The following NRXN3 variants were observed in gnomAD, a reference collection of about 807,000 sequenced individuals.
NRXN3 encodes the protein neurexin 3.
NRXN3 carries 32 observed loss-of-function variants against 137.6 expected under a neutral mutation model. The observed-to-expected ratio is 0.23, with a 90% CI of 0.18 to 0.31. NRXN3 has a LOEUF of 0.31. Ranked by LOEUF, NRXN3 falls within the 10% of genes least tolerant of loss-of-function variation. NRXN3 has a pLI of 1.00. For synonymous variants in NRXN3, 798 were observed against 784.5 expected, an observed-to-expected ratio of 1.02 and a Z score of -0.29; for missense variants, 1,574 against 2,062.5, an observed-to-expected ratio of 0.76 and a Z score of 4.59.
At chr14:79,215,605 A>G (rs1347270154) in intron 15 of NRXN3, among the ~76,000 whole-genome samples, 2 of 152,134 alleles carry the variant, frequency 1.3e-5, no homozygotes, top group Non-Finnish European at 2.9e-5. Context: ...TTATAAAACC[A>G]TCAGATCTCA....
intron 6 of NRXN3, among the ~76,000 whole-genome samples, chr14:78,703,316 C>T (rs889374379): frequency 3.9e-5 from 6 of 152,140 alleles, no homozygotes; most frequent in South Asian, 2.1e-4. Context: ...CCCAAGTCAT[C>T]AGCTGCCTGA....
At chr14:79,325,115 C>T (rs1213364688) in intron 15 of NRXN3, among the ~76,000 whole-genome samples, 2 of 152,118 alleles carry the variant, frequency 1.3e-5, no homozygotes, top group Non-Finnish European at 1.5e-5. Flanking sequence ...TTCTCTTTTC[C>T]TACTTTTCTT....
chr14:79,774,594 G>A (rs573053870), intron 19 of NRXN3, among the ~76,000 whole-genome samples: 19 of 152,082 alleles, frequency 1.2e-4, no homozygotes, highest in Admixed American at 3.3e-4. Context: ...GAATGTCTTC[G>A]CATTCATTAT....
intron 16 of NRXN3, among the ~76,000 whole-genome samples, chr14:79,662,249 A>T (rs73329935): frequency 0.11 from 17,181 of 152,130 alleles, 3,275 homozygotes; most frequent in African/African-American, 0.39. Context: ...TGCCCAACAT[A>T]TTGCCAGTAA....
At position 79,353,446 on chromosome 14, in the gene NRXN3, A is replaced by C. The variant is rs530908743; in HGVS notation, c.3263-113775A>C. On this transcript the variant is annotated intron_variant, in intron 15 of 20. Transcript: ENST00000335750. Reference sequence around the variant, plus strand: ...CTGTCACCCTGCCTTTCCTATCTTCACAATGGTCCTGTACAGTAAACTTTG... The same window carrying C: ...CTGTCACCCTGCCTTTCCTATCTTCCCAATGGTCCTGTACAGTAAACTTTG... Among the ~76,000 whole-genome samples the C allele has an allele frequency of 7.2e-5, 11 of 152,120 alleles. No individual in the cohort carries two copies. The South Asian group carries it at 2.3e-3, about 32-fold the overall frequency.
chr14:79,436,918 C>G (rs2095854197), intron 15 of NRXN3, among the ~76,000 whole-genome samples: 1 of 152,208 alleles, frequency 6.6e-6, no homozygotes, highest in South Asian at 2.1e-4. Flanking sequence ...CCCACTGCCT[C>G]TCTCCTGGAC....
At chr14:79,208,563 C>A (rs963618064) in intron 15 of NRXN3, among the ~76,000 whole-genome samples, 2 of 152,154 alleles carry the variant, frequency 1.3e-5, no homozygotes, top group African/African-American at 2.4e-5. Flanking sequence ...TTTTCTATGA[C>A]TAAGTAACAG....
intron 1 of NRXN3, among the ~76,000 whole-genome samples, chr14:78,209,170 G>T (rs746694278): frequency 5.9e-5 from 9 of 152,172 alleles, no homozygotes; most frequent in Non-Finnish European, 1.2e-4. Flanking sequence ...AGGTGTGAAG[G>T]CTTGCTTGGG....
At chr14:79,546,014 T>G (rs767503269) in intron 16 of NRXN3, among the ~76,000 whole-genome samples, 2 of 152,092 alleles carry the variant, frequency 1.3e-5, no homozygotes, top group Non-Finnish European at 2.9e-5. Flanking sequence ...TGATGGTTAT[T>G]ATAAGGGGGA....
chr14:79,438,924 GTT>G, intron 15 of NRXN3, among the ~76,000 whole-genome samples: 1 of 152,258 alleles, frequency 6.6e-6, no homozygotes, highest in East Asian at 1.9e-4. Context: ...TTTGATATCT[GTT>G]GTAGATTAAG....
At chr14:78,559,756 C>T (rs2096770263) in intron 4 of NRXN3, among the ~76,000 whole-genome samples, 1 of 152,198 alleles carries the variant, frequency 6.6e-6, no homozygotes, top group South Asian at 2.1e-4. Flanking sequence ...TTGATTTGGA[C>T]TTGAACATGC....
intron 15 of NRXN3, among the ~76,000 whole-genome samples, chr14:79,260,981 T>C (rs1181611495): frequency 1.3e-5 from 2 of 152,216 alleles, no homozygotes; most frequent in Non-Finnish European, 2.9e-5. Context: ...CTACTTGCTG[T>C]CTGCAAAGAT....
chr14:78,662,513 T>C (rs967675362), intron 6 of NRXN3, among the ~76,000 whole-genome samples: 2 of 152,102 alleles, frequency 1.3e-5, no homozygotes, highest in Admixed American at 6.6e-5. Flanking sequence ...TTCAAAGTAA[T>C]GAGTTCTCCA....
intron 4 of NRXN3, among the ~76,000 whole-genome samples, chr14:78,445,971 A>G (rs1382061772): frequency 1.3e-5 from 2 of 152,104 alleles, no homozygotes; most frequent in East Asian, 3.9e-4. Context: ...CTTCCCGGCA[A>G]AGTGTGAGTG....
intron 10 of NRXN3, among the ~76,000 whole-genome samples, chr14:78,906,217 G>A (rs1177373047): frequency 6.6e-6 from 1 of 151,994 alleles, no homozygotes; most frequent in Non-Finnish European, 1.5e-5. Flanking sequence ...TGAATCAACT[G>A]CAAATTCATC....
intron 15 of NRXN3, among the ~76,000 whole-genome samples, chr14:79,071,950 A>G (rs780280534): frequency 2.6e-5 from 4 of 152,214 alleles, no homozygotes; most frequent in Admixed American, 2.0e-4. Flanking sequence ...TACACCTACT[A>G]TGTACCTACA....
At chr14:79,719,382 G>GTGTGTGTATATA (rs1470882549) in intron 19 of NRXN3, among the ~76,000 whole-genome samples, 4 of 127,830 alleles carry the variant, frequency 3.1e-5, no homozygotes, top group East Asian at 5.4e-4. Flanking sequence ...GTATATATAT[G>GTGTGTGTATATA]TGTGTGTATA....
At chr14:79,614,113 C>A (rs1189454908) in intron 16 of NRXN3, among the ~76,000 whole-genome samples, 1 of 152,172 alleles carries the variant, frequency 6.6e-6, no homozygotes, top group African/African-American at 2.4e-5. Flanking sequence ...CCAAAATTGT[C>A]ACTCTTAAAA....
chr14:78,470,122 C>T (rs1156889779), intron 4 of NRXN3, among the ~76,000 whole-genome samples: 1 of 152,172 alleles, frequency 6.6e-6, no homozygotes, highest in Non-Finnish European at 1.5e-5. Context: ...TTTTATCCTC[C>T]ATAAGCCTCA....
Sources: allele counts gnomAD v4.1 joint callset (sites outside exome capture counted in the v4.1 genomes callset), GRCh38; gene constraint gnomAD v4.1.1; transcripts MANE v1.5; gene names NCBI Gene and HGNC (gene_info 2026-07-23, HGNC 2026-07-21).